ZNF674: variants seen among roughly 807,000 people sequenced by gnomAD.
The protein encoded by ZNF674 is zinc finger family member 674.
ZNF674 carries 2 observed loss-of-function variants against 7.0 expected under a neutral mutation model. The ratio of observed to expected loss-of-function variants is 0.29; its 90% CI spans 0.12 to 0.90. The LOEUF (loss-of-function observed/expected upper bound fraction) is 0.90. Among genes scored for constraint, ZNF674 ranks in the 40% least tolerant of loss-of-function variants. ZNF674 has a pLI of 0.57. For missense variants in ZNF674, 297 were observed against 415.5 expected, an observed-to-expected ratio of 0.71 and a Z score of 2.48; for synonymous variants, 103 against 145.2, an observed-to-expected ratio of 0.71 and a Z score of 2.09.
chrX:46,518,315 A>G (rs145753094), intron 5 of ZNF674, among the ~76,000 whole-genome samples: 4,332 of 112,190 alleles, frequency 0.039, 192 homozygotes, highest in African/African-American at 0.13. Flanking sequence ...AATATGTTCG[A>G]AAACTGTAAC....
chrX:46,507,652 G>A (rs1338649663), intron 5 of ZNF674, among the ~76,000 whole-genome samples: 1 of 111,444 alleles, frequency 9.0e-6, no homozygotes, highest in Non-Finnish European at 1.9e-5. Context: ...TAGTCATATT[G>A]TAAAAAATAG....
At chrX:46,508,559 T>C (rs2146593029) in intron 5 of ZNF674, among the ~76,000 whole-genome samples, 1 of 111,285 alleles carries the variant, frequency 9.0e-6, no homozygotes, top group Admixed American at 9.6e-5. Context: ...TTGGGCAGTA[T>C]GGCCATTTTC....
Position 46,499,979 on chromosome X carries a change from T to G in ZNF674, c.1595A>C (p.Lys532Thr). 1 of 1,207,408 alleles carries G rather than the reference T, an allele frequency of 8.3e-7. No homozygotes were observed. ...CSECGKAFSV[K>T]STLIVHHRTH... is the part of the protein sequence containing the mutation. ...TCTGTGATGCACAATGAGAGTTGAT[T>G]TCACACTGAAGGCCTTCCCACATTC... Residue 532 changes from lysine (K) to threonine (T), a missense_variant, in exon 6 of 6, where the codon AAA becomes ACA. Transcript: ENST00000683375.
Position 46,500,125 on chromosome X carries a change from C to G in ZNF674, c.1449G>C (p.Gln483His). 1 of 1,211,939 alleles carries G rather than the reference C, an allele frequency of 8.3e-7. No homozygotes were observed. The highest frequency in any genetic ancestry group is 1.1e-6 in the Non-Finnish European group (1 of 895,568). ...FSEKSPLIKHQRIHTGERPYE... is the reference protein window; with the variant it reads ...FSEKSPLIKHHRIHTGERPYE... ...AGGGTCTCTCTCCTGTATGAATTCT[C>G]TGATGTTTAATCAGTGGTGACTTCT... The change falls in exon 6 of 6, where the codon CAG becomes CAC. Residue 483 changes from glutamine (Q) to histidine (H), a missense_variant. Transcript: ENST00000683375.
chrX:46,541,699 C>T (rs1942298839), intron 3 of ZNF674, among the ~76,000 whole-genome samples: 1 of 112,180 alleles, frequency 8.9e-6, no homozygotes, highest in Non-Finnish European at 1.9e-5. Context: ...ACTTTATTGG[C>T]TACTAGTTTC....
chrX:46,506,996 C>T (rs748902957), intron 5 of ZNF674, among the ~76,000 whole-genome samples: 12 of 111,040 alleles, frequency 1.1e-4, no homozygotes, highest in Non-Finnish European at 1.7e-4. Context: ...TCTCCAGAAG[C>T]GCTCAGAGTC....
At chrX:46,512,126 C>T (rs1020377099) in intron 5 of ZNF674, among the ~76,000 whole-genome samples, 2 of 111,664 alleles carry the variant, frequency 1.8e-5, no homozygotes, top group Admixed American at 9.5e-5. Flanking sequence ...TTTGGGAGGC[C>T]GAGGCGGGAG....
intron 5 of ZNF674, among the ~76,000 whole-genome samples, chrX:46,504,129 A>G (rs931571941): frequency 1.3e-4 from 14 of 111,789 alleles, no homozygotes; most frequent in Non-Finnish European, 2.3e-4. Flanking sequence ...AGTTCATACC[A>G]TAGGGAAATT....
At chrX:46,529,031 T>A (rs1942060816) in intron 3 of ZNF674, 122 bp from the exon 4 acceptor site, 2 of 1,150,450 alleles carry the variant, frequency 1.7e-6, no homozygotes, top group Admixed American at 4.7e-5. Flanking sequence ...ACTAAAGATT[T>A]CAGTCTTCGC....
At chrX:46,534,563 T>C (rs968558479) in intron 3 of ZNF674, among the ~76,000 whole-genome samples, 1 of 110,967 alleles carries the variant, frequency 9.0e-6, no homozygotes, top group Non-Finnish European at 1.9e-5. Flanking sequence ...GGTTTCACCA[T>C]ATTGCCAGGC....
rs144996329 is a variant in ZNF674 at position 46,536,516 on chromosome X, G to T, written c.15+5557C>A. Among the ~76,000 whole-genome samples, 4 of 108,120 alleles carry T rather than the reference G, an allele frequency of 3.7e-5. No individual in the cohort carries two copies. The East Asian group carries it at 1.2e-3, about 32-fold the overall frequency. 93.9% of individuals were successfully genotyped at this position (108,120 alleles called of 115,157 possible). A position where few individuals can be genotyped will look rare whatever the true frequency, so the allele number is the denominator to read the frequency against. ...GAGGCAGGAGAATCGCTTGAACCTA[G>T]GAGGCAGAGGTTGCAGTGAGCTGAG... On this transcript the variant is annotated intron_variant, in intron 3 of 5. Transcript: ENST00000683375.
At chrX:46,501,479 C>G in intron 5 of ZNF674, 144 bp from the exon 6 acceptor site, 1 of 532,494 alleles carries the variant, frequency 1.9e-6, no homozygotes, top group Non-Finnish European at 3.0e-6. Flanking sequence ...GTCCCAGGCT[C>G]AAAATCAAGA....
intron 5 of ZNF674, chrX:46,528,037 G>A (rs1328629643): frequency 5.2e-6 from 2 of 382,798 alleles, no homozygotes; most frequent in Non-Finnish European, 9.1e-6. Context: ...CTTCCAGAAA[G>A]GACAGGGTGA....
chrX:46,524,961 G>T (rs5952898), intron 5 of ZNF674, among the ~76,000 whole-genome samples: 3 of 110,489 alleles, frequency 2.7e-5, no homozygotes, highest in Non-Finnish European at 3.8e-5. Context: ...AATGAGCTAT[G>T]ACCATACCAC....
At chrX:46,528,760 C>T in intron 4 of ZNF674, 23 bp downstream of exon 4, 2 of 1,211,363 alleles carry the variant, frequency 1.7e-6, no homozygotes, top group Middle Eastern at 2.3e-4. Context: ...CATTCTGCAT[C>T]ACCCTGTGGC....
Position 46,528,439 on chromosome X carries a change from A to G in ZNF674, c.149T>C (p.Leu50Pro). ...GAAGATCACATCTGGCTTCCCAACT[A>G]GATGCCCTGTTTAGGGGACATGACA... ...NYSHLVSVGH[L>P]VGKPDVIFRL... The change falls in exon 5 of 6, where the codon CTA becomes CCA. Residue 50 changes from leucine to proline, a missense_variant. By Grantham distance (98) the Leu-to-Pro change is moderately conservative. Coordinates refer to ENST00000683375, the MANE Select transcript of ZNF674 (RefSeq NM_001190417.2). 2 of 1,209,218 alleles carry G rather than the reference A, an allele frequency of 1.7e-6. No homozygotes were observed. Among genetic ancestry groups the G allele is most frequent in the Non-Finnish European group, 2.2e-6 (2 of 893,358 alleles).
intron 5 of ZNF674, among the ~76,000 whole-genome samples, chrX:46,506,806 G>A (rs769320867): frequency 9.0e-6 from 1 of 111,537 alleles, no homozygotes; most frequent in South Asian, 3.8e-4. Context: ...AGGGGGCATG[G>A]CATAAAGAAA....
intron 5 of ZNF674, among the ~76,000 whole-genome samples, chrX:46,523,958 G>A (rs1182196252): frequency 9.2e-6 from 1 of 109,202 alleles, no homozygotes; most frequent in Non-Finnish European, 1.9e-5. Context: ...CAAGAGAATT[G>A]CTCGAACCAA....
chrX:46,507,267 G>A (rs1376382837), intron 5 of ZNF674, among the ~76,000 whole-genome samples: 2 of 111,303 alleles, frequency 1.8e-5, no homozygotes, highest in East Asian at 2.8e-4. Context: ...TGGGAAGATC[G>A]CTTGAGCCCA....
Sources: allele counts gnomAD v4.1 joint callset (sites outside exome capture counted in the v4.1 genomes callset), GRCh38; gene constraint gnomAD v4.1.1; transcripts MANE v1.5; gene names NCBI Gene and HGNC (gene_info 2026-07-23, HGNC 2026-07-21).